PDILT: variants seen among roughly 807,000 people sequenced by gnomAD.
PDILT encodes protein disulfide-isomerase-like protein of the testis.
In PDILT, 43 loss-of-function variants were observed where a neutral mutation model predicts 53.7. That is an observed-to-expected ratio of 0.80 (90% confidence interval 0.63 to 1.03). PDILT has a LOEUF of 1.03. Ranked by LOEUF, PDILT falls within the 50% of genes least tolerant of loss-of-function variation. The pLI, the probability that PDILT is intolerant of heterozygous loss-of-function variation, is 0.00. For synonymous variants in PDILT, 282 were observed against 274.2 expected, an observed-to-expected ratio of 1.03 and a Z score of -0.28; for missense variants, 727 against 712.3, an observed-to-expected ratio of 1.02 and a Z score of -0.24.
chr16:20,400,018 CTATCTATCT>C (rs1567333404), intron 1 of PDILT, among the ~76,000 whole-genome samples: 11 of 107,942 alleles, frequency 1.0e-4, no homozygotes, highest in African/African-American at 3.7e-4. Flanking sequence ...ATATCTCTAT[CTATCTATCT>C]ATCTATCTAT....
intron 1 of PDILT, among the ~76,000 whole-genome samples, chr16:20,400,987 T>A (rs1325697548): frequency 3.3e-5 from 5 of 152,224 alleles, no homozygotes; most frequent in Admixed American, 3.3e-4. Context: ...TGAATTGTCA[T>A]TGCTTGTTTT....
rs1176971060 is a variant in PDILT at position 20,374,902 on chromosome 16, G to C, written c.601C>G (p.Leu201Val). Reference protein sequence around the residue: ...FYDVIKDFPELTFGVITIGNV... With the variant: ...FYDVIKDFPEVTFGVITIGNV... ...CCAATCGTTATGACTCCAAACGTTA[G>C]CTCTGGAAAGTCTTTGATCACATCA... is the stretch of plus-strand genomic sequence containing the variant. The change falls in exon 5 of 12, where the codon CTA becomes GTA. Residue 201 changes from leucine (L) to valine (V), a missense_variant. By Grantham distance (32) the Leu-to-Val change is conservative. Coordinates refer to ENST00000302451, the MANE Select transcript of PDILT (RefSeq NM_174924.2). The C allele has an allele frequency of 1.2e-6, 2 of 1,614,084 alleles. No homozygotes were observed. The highest frequency in any genetic ancestry group is 1.7e-5 in the Admixed American group (1 of 60,016).
chr16:20,365,569 G>A (rs1966178819), intron 8 of PDILT, 29 bp from the exon 9 acceptor site: 1 of 1,612,534 alleles, frequency 6.2e-7, no homozygotes, highest in South Asian at 1.1e-5. Context: ...AGGCCTAAGA[G>A]TCTTCATAAA....
rs80285655 is a variant in PDILT, at chr16:20,399,123, T to A, written c.178A>T (p.Thr60Ser). Residue 60 changes from threonine to serine, a missense_variant, in exon 2 of 12, where the codon ACC (threonine) becomes TCC (serine). Coordinates refer to ENST00000302451, the MANE Select transcript of PDILT (RefSeq NM_174924.2). Reference protein sequence around the residue: ...PAGLTQMLNQTRFLMVLFHNP... With the variant: ...PAGLTQMLNQSRFLMVLFHNP... ...CGGAAAAGCACCATGAGGAAGCGGGTCTGGTTCAGCATCTGGGTCAGGCCA... is the reference window on the plus strand; with the variant it reads ...CGGAAAAGCACCATGAGGAAGCGGGACTGGTTCAGCATCTGGGTCAGGCCA... The A allele has an allele frequency of 2.2e-4, 351 of 1,614,078 alleles. 1 individual carries two copies. The East Asian group carries it at 7.7e-3, about 35-fold the overall frequency.
At chr16:20,400,084 G>A (rs1172175142) in intron 1 of PDILT, among the ~76,000 whole-genome samples, 23 of 136,206 alleles carry the variant, frequency 1.7e-4, no homozygotes, top group Middle Eastern at 4.1e-3. Context: ...TTTTTGAGAC[G>A]GAGTTTTGCT....
At position 20,368,175 on chromosome 16, in the gene PDILT, G is replaced by A. The variant is rs1032516126; in HGVS notation, c.1116+1317C>T. On this transcript the variant is annotated intron_variant, in intron 8 of 11. Coordinates refer to ENST00000302451, the MANE Select transcript of PDILT (RefSeq NM_174924.2). ...TGGGAGCAGGGAGCTGACATGGCATGGACACGTCAGCTATTGGAGAAGAGA... is the reference window on the plus strand; with the variant it reads ...TGGGAGCAGGGAGCTGACATGGCATAGACACGTCAGCTATTGGAGAAGAGA... Among the ~76,000 whole-genome samples the A allele has an allele frequency of 4.6e-5, 7 of 152,086 alleles. 1 individual carries two copies. Among genetic ancestry groups the A allele is most frequent in the Admixed American group, 3.3e-4 (5 of 15,264 alleles).
chr16:20,378,159 A>G (rs533121296), intron 3 of PDILT, among the ~76,000 whole-genome samples: 23 of 152,308 alleles, frequency 1.5e-4, no homozygotes, highest in African/African-American at 5.5e-4. Flanking sequence ...TTATTTCATG[A>G]GAACATGAAG....
chr16:20,377,692 T>A (rs553589835), intron 3 of PDILT, among the ~76,000 whole-genome samples: 3 of 152,130 alleles, frequency 2.0e-5, no homozygotes, highest in Non-Finnish European at 2.9e-5. Context: ...CAGTGGCTCA[T>A]GCCTGTAATC....
intron 10 of PDILT, among the ~76,000 whole-genome samples, chr16:20,361,840 G>C (rs931242025): frequency 6.6e-6 from 1 of 152,118 alleles, no homozygotes; most frequent in African/African-American, 2.4e-5. Context: ...CCTCCCCCTT[G>C]ATTTCAATTG....
chr16:20,371,105 C>T (rs1305648666), intron 7 of PDILT, among the ~76,000 whole-genome samples: 1 of 152,184 alleles, frequency 6.6e-6, no homozygotes, highest in Non-Finnish European at 1.5e-5. Flanking sequence ...CAAGAACCCT[C>T]TCTTAGGGTC....
chr16:20,390,657 A>G (rs1966597122), intron 2 of PDILT: 1 of 152,238 alleles, frequency 6.6e-6, no homozygotes, highest in African/African-American at 2.4e-5. Flanking sequence ...GTTCACCACT[A>G]TATCCTCAGT....
intron 11 of PDILT, 146 bp from the exon 12 acceptor site, chr16:20,359,713 G>A (rs766137811): frequency 6.0e-6 from 5 of 837,670 alleles, no homozygotes; most frequent in East Asian, 5.3e-5. Flanking sequence ...TCTTTGGACT[G>A]CAGGGTTTTC....
intron 2 of PDILT, among the ~76,000 whole-genome samples, chr16:20,392,507 A>T (rs1267129559): frequency 6.6e-6 from 1 of 151,662 alleles, no homozygotes; most frequent in Non-Finnish European, 1.5e-5. Context: ...TCTTTTGCAA[A>T]GAGCCCATTT....
intron 3 of PDILT, among the ~76,000 whole-genome samples, chr16:20,378,383 TCTTCTTCTC>T (rs1193805023): frequency 6.6e-6 from 1 of 151,906 alleles, no homozygotes; most frequent in East Asian, 1.9e-4. Context: ...TCTAACTACT[TCTTCTTCTC>T]CTTCTTCTCC....
intron 9 of PDILT, 115 bp downstream of exon 9, chr16:20,365,305 C>T: frequency 8.4e-7 from 1 of 1,192,734 alleles, no homozygotes; most frequent in Non-Finnish European, 1.2e-6. Flanking sequence ...GAAGACCATC[C>T]TTGGCATGGT....
chr16:20,403,332 C>T (rs187590685), intron 1 of PDILT, among the ~76,000 whole-genome samples: 7 of 152,132 alleles, frequency 4.6e-5, no homozygotes, highest in African/African-American at 1.7e-4. Flanking sequence ...TCTTGTTGCC[C>T]AGGCTGGAGT....
chr16:20,377,955 A>G (rs1966409456), intron 3 of PDILT, among the ~76,000 whole-genome samples: 1 of 151,940 alleles, frequency 6.6e-6, no homozygotes, highest in Non-Finnish European at 1.5e-5. Flanking sequence ...CTCTGTCTTT[A>G]AAAAGAAAAA....
intron 10 of PDILT, 55 bp from the exon 11 acceptor site, chr16:20,360,712 C>T (rs1966088160): frequency 4.5e-6 from 6 of 1,331,054 alleles, no homozygotes; most frequent in African/African-American, 1.4e-5. Context: ...CAGAGATGCT[C>T]GAGGATTGCT....
chr16:20,359,874 T>C (rs1441042505), intron 11 of PDILT, among the ~76,000 whole-genome samples: 1 of 152,186 alleles, frequency 6.6e-6, no homozygotes, highest in Non-Finnish European at 1.5e-5. Context: ...AGGTGACCAG[T>C]CTTAGCTAAT....
Sources: allele counts gnomAD v4.1 joint callset (sites outside exome capture counted in the v4.1 genomes callset), GRCh38; gene constraint gnomAD v4.1.1; transcripts MANE v1.5; gene names NCBI Gene and HGNC (gene_info 2026-07-23, HGNC 2026-07-21).